The following P2RY8 variants were observed in gnomAD, a reference collection of about 807,000 sequenced individuals.
P2RY8 encodes the protein P2Y receptor family member 8, also known as S-geranylgeranyl-glutathione receptor P2RY8.
P2RY8 carries 6 observed loss-of-function variants against 10.0 expected under a neutral mutation model. That is an observed-to-expected ratio of 0.60 (90% CI 0.33 to 1.19). P2RY8 has a LOEUF of 1.19. Ranked by LOEUF, P2RY8 falls within the 50% of genes most tolerant of loss-of-function variation. P2RY8 has a pLI of 0.04. For synonymous variants in P2RY8, 276 were observed against 252.5 expected, an observed-to-expected ratio of 1.09 and a Z score of -0.88; for missense variants, 456 against 542.0, an observed-to-expected ratio of 0.84 and a Z score of 1.58.
chrX:1,514,818 C>CT (rs2092331828), intron 1 of P2RY8, among the ~76,000 whole-genome samples: 1 of 91,494 alleles, frequency 1.1e-5, no homozygotes, highest in Non-Finnish European at 2.2e-5. Context: ...CTTTCCTTTC[C>CT]TTCCCTTTCC....
At chrX:1,478,613 G>T (rs1432753685) in intron 1 of P2RY8, among the ~76,000 whole-genome samples, 1 of 151,906 alleles carries the variant, frequency 6.6e-6, no homozygotes, top group African/African-American at 2.4e-5. Flanking sequence ...TGAATATCTG[G>T]GACTACAGGC....
At chrX:1,522,461 G>A (rs1379765040) in intron 1 of P2RY8, among the ~76,000 whole-genome samples, 2 of 152,062 alleles carry the variant, frequency 1.3e-5, no homozygotes, top group Non-Finnish European at 2.9e-5. Flanking sequence ...CGGAATCGTC[G>A]TGCACGCACA....
chrX:1,486,204 G>A (rs1197956000), intron 1 of P2RY8, among the ~76,000 whole-genome samples: 1 of 152,166 alleles, frequency 6.6e-6, no homozygotes, highest in Non-Finnish European at 1.5e-5. Flanking sequence ...GGTGAAAAGA[G>A]TGAAACTCTG....
rs1413286432 is a variant in P2RY8 at position 1,464,945 on chromosome X, T to G, written c.*534A>C. ...ACCGGGCTACGGAGACCAGAACCCCTGGAGGAGAATGGAGAAGGCCAGAAC... is the reference window on the plus strand; with the variant it reads ...ACCGGGCTACGGAGACCAGAACCCCGGGAGGAGAATGGAGAAGGCCAGAAC... On this transcript the variant is annotated 3_prime_UTR_variant, in exon 2 of 2. Coordinates refer to ENST00000381297, the MANE Select transcript of P2RY8 (RefSeq NM_178129.5). The G allele has an allele frequency of 4.2e-5, 10 of 235,662 alleles. No homozygotes were observed. The East Asian group carries it at 5.4e-4, about 13-fold the overall frequency. 14.6% of individuals were successfully genotyped at this position (235,662 alleles called of 1,614,324 possible). A position where few individuals can be genotyped will look rare whatever the true frequency, so the allele number is the denominator to read the frequency against.
chrX:1,498,059 G>T (rs1303065743), intron 1 of P2RY8, among the ~76,000 whole-genome samples: 1 of 152,106 alleles, frequency 6.6e-6, no homozygotes, highest in African/African-American at 2.4e-5. Context: ...TTCCTGGTTT[G>T]CCCTGGAGAC....
intron 1 of P2RY8, among the ~76,000 whole-genome samples, chrX:1,504,722 C>G (rs1305457242): frequency 6.6e-6 from 1 of 152,152 alleles, no homozygotes; most frequent in Non-Finnish European, 1.5e-5. Flanking sequence ...TGTTGTGGCT[C>G]ACGCCTGTAA....
chrX:1,535,911 C>A (rs2092522865), intron 1 of P2RY8, among the ~76,000 whole-genome samples: 1 of 152,028 alleles, frequency 6.6e-6, no homozygotes, highest in Non-Finnish European at 1.5e-5. Flanking sequence ...TCTGACAAGA[C>A]CCAAGGAATT....
intron 1 of P2RY8, among the ~76,000 whole-genome samples, chrX:1,530,863 G>T (rs2092469868): frequency 6.9e-6 from 1 of 145,036 alleles, no homozygotes; most frequent in African/African-American, 2.5e-5. Flanking sequence ...TGTATGTATT[G>T]TCTATTCTAT....
At chrX:1,477,216 A>G (rs1311993817) in intron 1 of P2RY8, among the ~76,000 whole-genome samples, 1 of 151,550 alleles carries the variant, frequency 6.6e-6, no homozygotes, top group African/African-American at 2.4e-5. Flanking sequence ...AAGAAGAAGA[A>G]GAAATTCACC....
intron 1 of P2RY8, among the ~76,000 whole-genome samples, chrX:1,492,210 G>T (rs1316144215): frequency 2.6e-5 from 4 of 152,076 alleles, no homozygotes; most frequent in Non-Finnish European, 5.9e-5. Flanking sequence ...GAAGATGGGG[G>T]TGTGTGGCCA....
intron 1 of P2RY8, among the ~76,000 whole-genome samples, chrX:1,493,423 AGG>A (rs1569537379): frequency 5.7e-3 from 26 of 4,584 alleles, no homozygotes; most frequent in Non-Finnish European, 0.017. Flanking sequence ...GGAAGGAGGA[AGG>A]AGGAGGGAGG....
chrX:1,476,373 G>T (rs1399563687), intron 1 of P2RY8, among the ~76,000 whole-genome samples: 1 of 151,764 alleles, frequency 6.6e-6, no homozygotes, highest in Admixed American at 6.6e-5. Context: ...TCAGGAGATG[G>T]AGACCATCCT....
intron 1 of P2RY8, among the ~76,000 whole-genome samples, chrX:1,474,161 G>C (rs1242475874): frequency 2.6e-5 from 4 of 151,816 alleles, no homozygotes; most frequent in African/African-American, 9.7e-5. Flanking sequence ...TAGATGGATG[G>C]GTGGGTGTAT....
intron 1 of P2RY8, among the ~76,000 whole-genome samples, chrX:1,470,285 G>T (rs2091768247): frequency 6.6e-6 from 1 of 152,156 alleles, no homozygotes; most frequent in African/African-American, 2.4e-5. Flanking sequence ...GCCGAGGCAG[G>T]TGGATCACCT....
chrX:1,481,586 AGAGTCCAGCTTTGGGATTAG>A (rs1442272396), intron 1 of P2RY8, among the ~76,000 whole-genome samples: 2 of 151,472 alleles, frequency 1.3e-5, no homozygotes, highest in Non-Finnish European at 2.9e-5. Flanking sequence ...TGGGATTAGG[AGAGTCCAGCTTTGGGATTAG>A]GAGAGTCCAG....
chrX:1,498,322 C>T (rs1166522202), intron 1 of P2RY8, among the ~76,000 whole-genome samples: 12 of 142,996 alleles, frequency 8.4e-5, no homozygotes, highest in Admixed American at 2.9e-4. Flanking sequence ...AGGAGAATGG[C>T]GTGAACCTGG....
In P2RY8 at chrX:1,470,176, T is replaced by C. The variant is rs780749591; in HGVS notation, c.-24-3594A>G. Among the ~76,000 whole-genome samples the C allele has an allele frequency of 3.3e-5, 5 of 150,874 alleles. No individual in the cohort carries two copies. In the East Asian group the frequency reaches 9.7e-4, roughly 29 times the overall value. ...GAGTTCGAGACCAGCCTGGCCAACATGGTGAAATCCTGTTGTTACTAAAAT... is the reference window on the plus strand; with the variant it reads ...GAGTTCGAGACCAGCCTGGCCAACACGGTGAAATCCTGTTGTTACTAAAAT... On this transcript the variant is annotated intron_variant, in intron 1 of 1. Transcript: ENST00000381297.
Position 1,487,040 on chromosome X carries a change from C to T in P2RY8, c.-24-20458G>A, listed in dbSNP as rs751913063. On this transcript the variant is annotated intron_variant, in intron 1 of 1. Transcript: ENST00000381297. ...GCCTGGCCTCCTCATCCCTCAGGTC[C>T]CTACCGGGGTGTCTGGGGCCGGCTG... Among the ~76,000 whole-genome samples the T allele has an allele frequency of 2.0e-5, 3 of 152,332 alleles. No individual in the cohort carries two copies. The South Asian group carries it at 6.2e-4, about 32-fold the overall frequency.
chrX:1,471,795 G>A (rs567253623), intron 1 of P2RY8, among the ~76,000 whole-genome samples: 6 of 152,242 alleles, frequency 3.9e-5, no homozygotes, highest in South Asian at 2.1e-4. Flanking sequence ...ATTGCATGCC[G>A]GTGACAGACC....
Sources: gnomAD v4.1 joint callset for allele counts (sites outside exome capture counted in the v4.1 genomes callset) on GRCh38, gnomAD v4.1.1 for gene constraint, MANE v1.5 for transcripts, NCBI Gene and HGNC (gene_info 2026-07-23, HGNC 2026-07-21) for gene names.